Variants in FAS observed in about 807,000 individuals in gnomAD.
The protein encoded by FAS is tumor necrosis factor receptor superfamily member 6.
FAS carries 5 observed loss-of-function variants against 33.2 expected under a neutral mutation model. The observed-to-expected ratio is 0.15, with a 90% confidence interval of 0.08 to 0.32. FAS has a LOEUF of 0.32. Among genes scored for constraint, FAS ranks in the 10% least tolerant of loss-of-function variants. The pLI is 1.00. For synonymous variants in FAS, 131 were observed against 130.7 expected (o/e 1.00, Z -0.01); for missense variants, 339 against 386.0 (o/e 0.88, Z 1.02).
intron 1 of FAS, among the ~76,000 whole-genome samples, chr10:88,967,829 A>T (rs1184762445): frequency 1.3e-5 from 2 of 152,220 alleles, no homozygotes; most frequent in Non-Finnish European, 2.9e-5. Context: ...AATTTAAAAC[A>T]GGAAAATGGT....
chr10:89,014,692 A>T lies in FAS; in HGVS notation c.*242A>T, dbSNP rs1848708373. The T allele has an allele frequency of 6.1e-6, 4 of 654,170 alleles. No individual in the cohort carries two copies. The highest frequency in any genetic ancestry group is 1.8e-5 in the African/African-American group (1 of 56,530). The allele number at this position is 654,170 out of a possible 1,614,324, so 40.5% of individuals were successfully genotyped here. A position where few individuals can be genotyped will look rare whatever the true frequency, so the allele number is the denominator to read the frequency against. ...ATGCAGTGGCATGCTAAGTACCCAA[A>T]TAGGAGTGTATGCAGAGGATGAAAG... On this transcript the variant is annotated 3_prime_UTR_variant, in exon 9 of 9. Transcript: ENST00000652046.
At chr10:88,990,522 C>T, upstream of FAS, 1 of 603,856 alleles carries the variant, frequency 1.7e-6, no homozygotes, top group African/African-American at 1.8e-5. This position sits in a 1 kb window ranked among gnomAD's most constrained non-coding sequence, Gnocchi z 4.9. Context: ...ACCCTGACTT[C>T]TCCCCCTCCC....
chr10:89,003,406 C>T lies in FAS; in HGVS notation c.196+212C>T, dbSNP rs541896245. Among the ~76,000 whole-genome samples the T allele has an allele frequency of 4.6e-5, 7 of 152,288 alleles. No individual in the cohort carries two copies. The East Asian group carries it at 1.3e-3, about 29-fold the overall frequency. ...TGTGGTTATGGATAAATTTAATTTA[C>T]AAGTGACATGCACCTCTGAAATGAG... On this transcript the variant is annotated intron_variant, in intron 2 of 8. Transcript: ENST00000652046.
In FAS at chr10:89,010,327, CAG is replaced by C. The variant is rs3831099; in HGVS notation, c.444-209_444-208del. On this transcript the variant is annotated intron_variant, in intron 4 of 8. Coordinates refer to ENST00000652046, the MANE Select transcript of FAS (RefSeq NM_000043.6). ...TCCTTTAACTCTTGAAATCTTAAGACAGAGTCATTCCTTATGATATTTTTCAT... is the reference window on the plus strand; with the variant it reads ...TCCTTTAACTCTTGAAATCTTAAGACAGTCATTCCTTATGATATTTTTCAT... 0.41 allele frequency among the ~76,000 whole-genome samples: 61,678 copies of C among 151,846 alleles called. 12,548 individuals carry two copies. Among genetic ancestry groups the C allele is most frequent in the East Asian group, 0.5 (2,593 of 5,166 alleles).
intron 2 of FAS, among the ~76,000 whole-genome samples, chr10:89,003,936 C>G (rs924786691): frequency 2.0e-5 from 3 of 152,182 alleles, no homozygotes; most frequent in African/African-American, 7.2e-5. Context: ...AGCACTCAAG[C>G]TGTAAAACAG....
chr10:89,015,654 A>C lies in FAS; in HGVS notation c.*1204A>C, dbSNP rs749875814. ...TATATTTCTGTAAATGTAAACTGTGAAGATAGTTATAAACTGAAGCAGATA... is the reference window on the plus strand; with the variant it reads ...TATATTTCTGTAAATGTAAACTGTGCAGATAGTTATAAACTGAAGCAGATA... On this transcript the variant is annotated 3_prime_UTR_variant, in exon 9 of 9. Coordinates refer to ENST00000652046, the MANE Select transcript of FAS (RefSeq NM_000043.6). 8.0e-6 allele frequency: 4 copies of C among 497,884 alleles called. 1 individual carries two copies. Among genetic ancestry groups the C allele is most frequent in the Middle Eastern group, 1.1e-3 (2 of 1,748 alleles). The allele number at this position is 497,884 out of a possible 1,614,324, so 30.8% of individuals were successfully genotyped here.
At chr10:88,984,891 A>C (rs1846830926), upstream of FAS, among the ~76,000 whole-genome samples, 1 of 152,230 alleles carries the variant, frequency 6.6e-6, no homozygotes, top group Non-Finnish European at 1.5e-5. Context: ...AAGTTTAAAA[A>C]ATATGGTATT....
At chr10:88,976,479 A>G (rs552791970) in intron 2 of FAS, among the ~76,000 whole-genome samples, 1 of 152,358 alleles carries the variant, frequency 6.6e-6, no homozygotes, top group East Asian at 1.9e-4. Flanking sequence ...AAATTAGTAC[A>G]TTAATTACAT....
intron 1 of FAS, among the ~76,000 whole-genome samples, chr10:88,995,108 A>G (rs914915635): frequency 2.0e-5 from 3 of 151,808 alleles, no homozygotes; most frequent in African/African-American, 7.3e-5. Context: ...ATATATTCAT[A>G]AAAGTGGAAA....
intron 2 of FAS, among the ~76,000 whole-genome samples, chr10:88,976,098 A>C (rs534910743): frequency 1.3e-5 from 2 of 152,336 alleles, no homozygotes; most frequent in East Asian, 1.9e-4. Context: ...TATAATGTGT[A>C]ATACAGGGGT....
At chr10:88,975,192 T>A (rs1846534599) in intron 2 of FAS, 1 of 151,094 alleles carries the variant, frequency 6.6e-6, no homozygotes, top group South Asian at 2.1e-4. Context: ...CAAACAATGA[T>A]ACTGCCTCTA....
Position 88,990,992 on chromosome 10 carries a change from GA to G in FAS, c.30+87del. ...TGGGGCGGGCGCGGGACGCGTGCGG[GA>G]TTGCGGCGGCAGCGGCGCACGCGGG... On this transcript the variant is annotated intron_variant, in intron 1 of 8. Coordinates refer to ENST00000652046, the MANE Select transcript of FAS (RefSeq NM_000043.6). The surrounding 1 kb of genome is among the most constrained non-coding windows in gnomAD (Gnocchi z 4.9). 1 of 1,590,518 alleles carries G rather than the reference GA, an allele frequency of 6.3e-7. No homozygotes were observed. The highest frequency in any genetic ancestry group is 8.6e-7 in the Non-Finnish European group (1 of 1,160,974).
chr10:89,007,358 C>T (rs537890048), intron 2 of FAS, among the ~76,000 whole-genome samples: 2 of 152,286 alleles, frequency 1.3e-5, no homozygotes, highest in East Asian at 3.9e-4. Context: ...TATATACCAA[C>T]CAACCTCTCC....
At chr10:88,983,366 T>C (rs575475060), upstream of FAS, among the ~76,000 whole-genome samples, 6 of 152,142 alleles carry the variant, frequency 3.9e-5, no homozygotes, top group South Asian at 1.0e-3. Flanking sequence ...AAACCATGTG[T>C]TCAACAGAAC....
intron 1 of FAS, among the ~76,000 whole-genome samples, chr10:88,965,911 G>A (rs1846310659): frequency 6.6e-6 from 1 of 152,148 alleles, no homozygotes; most frequent in Non-Finnish European, 1.5e-5. Flanking sequence ...GTACACCAAT[G>A]TTTTTTTCCA....
intron 2 of FAS, among the ~76,000 whole-genome samples, chr10:88,978,384 A>G (rs1210513929): frequency 3.9e-5 from 6 of 151,986 alleles, no homozygotes; most frequent in Non-Finnish European, 5.9e-5. Flanking sequence ...ATGTACCCTA[A>G]AACTTAAAGT....
intron 1 of FAS, chr10:88,992,468 T>G (rs1265590249): frequency 6.6e-6 from 1 of 152,216 alleles, no homozygotes; most frequent in Non-Finnish European, 1.5e-5. Context: ...GTTGAACTTT[T>G]GTACCAATAG....
upstream of FAS, among the ~76,000 whole-genome samples, chr10:88,987,400 A>G (rs1846933709): frequency 6.6e-6 from 1 of 152,230 alleles, no homozygotes; most frequent in Non-Finnish European, 1.5e-5. Context: ...TGGGTGGTCC[A>G]GGGTTCAATT....
At chr10:88,985,478 A>C (rs1023939768), upstream of FAS, among the ~76,000 whole-genome samples, 1 of 152,156 alleles carries the variant, frequency 6.6e-6, no homozygotes, top group Admixed American at 6.5e-5. Context: ...TTTCTACCCA[A>C]GTGCTCTGGG....
Sources: gnomAD v4.1 joint callset for allele counts (sites outside exome capture counted in the v4.1 genomes callset) on GRCh38, gnomAD v4.1.1 for gene constraint, Gnocchi (gnomAD v3.1) non-coding constraint, MANE v1.5 for transcripts, NCBI Gene and HGNC (gene_info 2026-07-23, HGNC 2026-07-21) for gene names.